LMAN1: variants seen among roughly 807,000 people sequenced by gnomAD.
LMAN1 encodes the protein protein ERGIC-53.
Under a neutral mutation model 67.8 loss-of-function variants are expected in LMAN1, and 32 were observed. The ratio of observed to expected loss-of-function variants is 0.47; its 90% CI spans 0.36 to 0.63. LMAN1 has a LOEUF of 0.63. Among genes scored for constraint, LMAN1 ranks in the 30% least tolerant of loss-of-function variants. LMAN1 has a pLI of 0.00. For synonymous variants in LMAN1, 235 were observed against 219.3 expected, an observed-to-expected ratio of 1.07 and a Z score of -0.63; for missense variants, 632 against 628.2, an observed-to-expected ratio of 1.01 and a Z score of -0.06.
chr18:59,338,988 C>T (rs1466246985), intron 8 of LMAN1, 35 bp from the exon 9 acceptor site: 15 of 1,573,112 alleles, frequency 9.5e-6, no homozygotes, highest in Admixed American at 1.7e-5. Context: ...ATCAGAGTCA[C>T]CTACACATAT....
chr18:59,349,251 CAT>C lies in LMAN1; in HGVS notation c.640-17_640-16del. The C allele has an allele frequency of 6.2e-7, 1 of 1,607,768 alleles. No homozygotes were observed. Among genetic ancestry groups the C allele is most frequent in the Non-Finnish European group, 8.5e-7 (1 of 1,174,404 alleles). On this transcript the variant is annotated splice_polypyrimidine_tract_variant and intron_variant, in intron 5 of 12. Transcript: ENST00000251047. ...TTGATCATTACCTAGAAAGACATATCATAGCTATAGCTTTTGCAAAAGACATT... is the reference window on the plus strand; with the variant it reads ...TTGATCATTACCTAGAAAGACATATCAGCTATAGCTTTTGCAAAAGACATT...
rs1009531568 is a variant in LMAN1 at position 59,333,693 on chromosome 18, T to C, written c.1221-449A>G. The C allele has an allele frequency of 1.9e-5, 3 of 157,754 alleles. No homozygotes were observed. The South Asian group carries it at 5.6e-4, about 29-fold the overall frequency. The allele number at this position is 157,754 out of a possible 1,614,324, so 9.8% of individuals were successfully genotyped here. The stretch of plus-strand genomic sequence containing the variant: ...TAGATGATTTCACTCATACAGCATA[T>C]AGTAGGAGGCTAATGGCTTTGTGAC... On this transcript the variant is annotated intron_variant, in intron 10 of 12. Transcript: ENST00000251047.
Position 59,359,202 on chromosome 18 carries a change from GCCGAAC to G in LMAN1, c.37_42del (p.Val13_Arg14del). 6.2e-7 allele frequency: 1 copy of G among 1,614,012 alleles called. No homozygotes were observed. Among genetic ancestry groups the G allele is most frequent in the South Asian group, 1.1e-5 (1 of 91,062 alleles). The stretch of plus-strand genomic sequence containing the variant: ...GACAGCAGCAAGGCGCAGAACAGCG[GCCGAAC>G]TCTGGCCCGGAGACCCCTTTGCCTG... On this transcript the variant is annotated inframe_deletion, in exon 1 of 13. Coordinates refer to ENST00000251047, the MANE Select transcript of LMAN1 (RefSeq NM_005570.4).
At chr18:59,337,025 G>T (rs1286000819) in intron 10 of LMAN1, among the ~76,000 whole-genome samples, 1 of 151,616 alleles carries the variant, frequency 6.6e-6, no homozygotes, top group Non-Finnish European at 1.5e-5. Context: ...TACTTACATA[G>T]TCTCAAAGTA....
At position 59,337,930 on chromosome 18, in the gene LMAN1, G is replaced by C. The variant is rs186994909; in HGVS notation, c.1220+627C>G. 2.0e-5 allele frequency among the ~76,000 whole-genome samples: 3 copies of C among 152,270 alleles called. No homozygotes were observed. The East Asian group carries it at 5.8e-4, about 29-fold the overall frequency. ...CAGTGCTCTGAAATGTTAGGTTATGGAAACATGACACTATGGTTTGTTATC... is the reference window on the plus strand; with the variant it reads ...CAGTGCTCTGAAATGTTAGGTTATGCAAACATGACACTATGGTTTGTTATC... On this transcript the variant is annotated intron_variant, in intron 10 of 12. Transcript: ENST00000251047.
At chr18:59,355,254 C>T (rs989219759) in intron 3 of LMAN1, 59 bp downstream of exon 3, 4 of 1,273,772 alleles carry the variant, frequency 3.1e-6, no homozygotes, top group African/African-American at 1.5e-5. Flanking sequence ...TTATTTCTCA[C>T]AGCCTAACTC....
chr18:59,329,650 C>T lies in LMAN1; in HGVS notation c.*1443G>A, dbSNP rs1420614409. ...AGCAACGCCAGACTGTTTGCACACA[C>T]AGCACTCGTTTGGTATTGCTATAAT... On this transcript the variant is annotated 3_prime_UTR_variant, in exon 13 of 13. Transcript: ENST00000251047. 6.6e-6 allele frequency: 1 copy of T among 152,112 alleles called. No homozygotes were observed. The highest frequency in any genetic ancestry group is 2.4e-5 in the African/African-American group (1 of 41,426). The allele number at this position is 152,112 out of a possible 1,614,324, so 9.4% of individuals were successfully genotyped here.
In LMAN1 at chr18:59,338,895, C is replaced by T; in HGVS notation, c.1014G>A (p.Gln338=). 1.2e-6 allele frequency: 2 copies of T among 1,613,718 alleles called. No homozygotes were observed. Among genetic ancestry groups the T allele is most frequent in the Non-Finnish European group, 1.7e-6 (2 of 1,179,936 alleles). ...DRELRQVFEG[Q]NRIHLEIKQL... is the part of the protein sequence containing the mutation. The stretch of plus-strand genomic sequence containing the variant: ...GCTTGATTTCAAGATGAATACGATT[C>T]TGTCCTTCAAAGACTTGTCTTAGCT... The change falls in exon 9 of 13, where the codon CAG becomes CAA. Residue 338 remains glutamine, a synonymous_variant. Transcript: ENST00000251047.
intron 9 of LMAN1, 21 bp downstream of exon 9, chr18:59,338,739 C>T (rs780008620): frequency 4.5e-5 from 72 of 1,613,494 alleles, no homozygotes; most frequent in Middle Eastern, 1.6e-4. Context: ...TGGGGCACAT[C>T]TGCATATTCT....
chr18:59,347,581 A>T lies in LMAN1; in HGVS notation c.764-10T>A, dbSNP rs762723512. The T allele has an allele frequency of 1.2e-5, 6 of 495,920 alleles. No homozygotes were observed. Among genetic ancestry groups the T allele is most frequent in the South Asian group, 1.1e-4 (2 of 18,864 alleles). The allele number at this position is 495,920 out of a possible 1,614,324, so 30.7% of individuals were successfully genotyped here. A position where few individuals can be genotyped will look rare whatever the true frequency, so the allele number is the denominator to read the frequency against. On this transcript the variant is annotated splice_polypyrimidine_tract_variant and intron_variant, in intron 6 of 12. Coordinates refer to ENST00000251047, the MANE Select transcript of LMAN1 (RefSeq NM_005570.4). ...AGGACATCATGGTCATCTACAAATTAAAAAAAAAAAAGTCTGAAAAAGTTC... is the reference window on the plus strand; with the variant it reads ...AGGACATCATGGTCATCTACAAATTTAAAAAAAAAAAGTCTGAAAAAGTTC...
In LMAN1 at chr18:59,350,410, C is replaced by G. The variant is rs1035065830; in HGVS notation, c.640-1174G>C. ...ATTCAAATTACAATACTAAAATCCT[C>G]CAATTGTTCAGTATTTTTTTCCTTG... On this transcript the variant is annotated intron_variant, in intron 5 of 12. Coordinates refer to ENST00000251047, the MANE Select transcript of LMAN1 (RefSeq NM_005570.4). Among the ~76,000 whole-genome samples the G allele has an allele frequency of 3.3e-5, 5 of 152,274 alleles. No homozygotes were observed. The East Asian group carries it at 9.6e-4, about 29-fold the overall frequency.
At chr18:59,356,048 G>A (rs1399383504) in intron 1 of LMAN1, among the ~76,000 whole-genome samples, 1 of 152,114 alleles carries the variant, frequency 6.6e-6, no homozygotes, top group African/African-American at 2.4e-5. Flanking sequence ...CATACCACTA[G>A]GAATCAAGAG....
rs140930139 is a variant in LMAN1, at chr18:59,329,528, G to A, written c.*1565C>T. Reference sequence around the variant, plus strand: ...AATGTTAACACTACAAAAGAAAAATGCTAGAGAAGCATTTTCTGTGTTGAA... The same window carrying A: ...AATGTTAACACTACAAAAGAAAAATACTAGAGAAGCATTTTCTGTGTTGAA... On this transcript the variant is annotated 3_prime_UTR_variant, in exon 13 of 13. Coordinates refer to ENST00000251047, the MANE Select transcript of LMAN1 (RefSeq NM_005570.4). 15 of 152,190 alleles carry A rather than the reference G, an allele frequency of 9.9e-5. No individual in the cohort carries two copies. The East Asian group carries it at 2.9e-3, about 29-fold the overall frequency. 9.4% of individuals were successfully genotyped at this position (152,190 alleles called of 1,614,324 possible).
chr18:59,333,490 C>G, intron 10 of LMAN1: 1 of 442,190 alleles, frequency 2.3e-6, no homozygotes, highest in Non-Finnish European at 4.1e-6. Flanking sequence ...ACTAGGTAAT[C>G]TGTGTTAAAA....
intron 7 of LMAN1, among the ~76,000 whole-genome samples, 194 bp downstream of exon 7, chr18:59,347,319 T>C (rs185006266): frequency 1.4e-3 from 78 of 56,508 alleles, no homozygotes; most frequent in African/African-American, 6.0e-3. Flanking sequence ...AGACTCCGTC[T>C]CAAAAAAAAA....
At chr18:59,356,821 C>T (rs1429810246) in intron 1 of LMAN1, among the ~76,000 whole-genome samples, 1 of 152,110 alleles carries the variant, frequency 6.6e-6, no homozygotes, top group Non-Finnish European at 1.5e-5. Context: ...CAGATAACAC[C>T]CGCCTTGTCT....
intron 4 of LMAN1, among the ~76,000 whole-genome samples, chr18:59,353,580 T>A (rs759126040): frequency 2.6e-5 from 4 of 151,972 alleles, no homozygotes; most frequent in Admixed American, 6.6e-5. Flanking sequence ...TTTAAATAGC[T>A]CCATAGGGAG....
Position 59,355,419 on chromosome 18 carries a change from G to A in LMAN1, c.371C>T (p.Ala124Val), listed in dbSNP as rs1286303864. 1 of 1,613,758 alleles carries A rather than the reference G, an allele frequency of 6.2e-7. No homozygotes were observed. Among genetic ancestry groups the A allele is most frequent in the Non-Finnish European group, 8.5e-7 (1 of 1,179,806 alleles). The part of the protein sequence containing the change: ...GRGRIGADGL[A>V]IWYAENQGLE... ...GCCTTGATTTTCTGCATACCAAATT[G>A]CCTGAAAATATGTAATAGGGAACAG... The change falls in exon 3 of 13, where the codon GCA (alanine) becomes GTA (valine). Residue 124 changes from alanine to valine, a missense_variant and splice_region_variant. Transcript: ENST00000251047.
At chr18:59,346,628 C>A (rs962043063) in intron 7 of LMAN1, among the ~76,000 whole-genome samples, 4 of 151,942 alleles carry the variant, frequency 2.6e-5, no homozygotes, top group Non-Finnish European at 5.9e-5. Flanking sequence ...TCAAGCGATT[C>A]TCCAGCCTCA....
Sources: gnomAD v4.1 joint callset for allele counts (sites outside exome capture counted in the v4.1 genomes callset) on GRCh38, gnomAD v4.1.1 for gene constraint, MANE v1.5 for transcripts, NCBI Gene and HGNC (gene_info 2026-07-23, HGNC 2026-07-21) for gene names.